DYNC1I1: variants seen among roughly 807,000 people sequenced by gnomAD.
The protein encoded by DYNC1I1 is cytoplasmic dynein 1 intermediate chain 1.
DYNC1I1 carries 43 observed loss-of-function variants against 86.6 expected under a neutral mutation model. The observed-to-expected ratio is 0.50, with a 90% CI of 0.39 to 0.64. DYNC1I1 has a LOEUF of 0.64. Ranked by LOEUF, DYNC1I1 falls within the 30% of genes least tolerant of loss-of-function variation. The probability of loss-of-function intolerance (pLI) is 0.00; values close to 1 mark genes in which losing one functional copy is unlikely to be tolerated. For missense variants in DYNC1I1, 604 were observed against 788.8 expected (o/e 0.77, Z 2.81); for synonymous variants, 262 against 283.7 (o/e 0.92, Z 0.77).
At position 96,068,902 on chromosome 7, in the gene DYNC1I1, TACTTA is replaced by T. The variant is rs552891546; in HGVS notation, c.1510-7149_1510-7145del. ...AAGGGCGAGGGTGAAAATATTTTGC[TACTTA>T]ACTTATCCACTAGTAAAATGTGGTT... On this transcript the variant is annotated intron_variant, in intron 14 of 16. Coordinates refer to ENST00000447467, the MANE Select transcript of DYNC1I1 (RefSeq NM_001135556.2). Among the ~76,000 whole-genome samples the T allele has an allele frequency of 3.7e-3, 564 of 152,330 alleles. 2 individuals carry two copies. Among genetic ancestry groups the T allele is most frequent in the African/African-American group, 0.013 (534 of 41,578 alleles).
Position 95,827,936 on chromosome 7 carries a change from C to T in DYNC1I1, c.315-121C>T. On this transcript the variant is annotated intron_variant, in intron 4 of 16. Transcript: ENST00000447467. ...GGGGGTGGAGGGGATGGAAGGGGGA[C>T]ATGTTCTGTGTATGTATTGTATATG... The T allele has an allele frequency of 3.5e-6, 3 of 860,296 alleles. No individual in the cohort carries two copies. In the South Asian group the frequency reaches 5.2e-5, roughly 15 times the overall value. 53.3% of individuals were successfully genotyped at this position (860,296 alleles called of 1,614,324 possible).
At chr7:95,825,010 A>T (rs1795173198) in intron 4 of DYNC1I1, among the ~76,000 whole-genome samples, 1 of 152,088 alleles carries the variant, frequency 6.6e-6, no homozygotes, top group Non-Finnish European at 1.5e-5. Context: ...AAAAATGAAA[A>T]GATAATACAA....
At chr7:95,773,056 G>T (rs543831903) in intron 1 of DYNC1I1, among the ~76,000 whole-genome samples, 67 of 152,328 alleles carry the variant, frequency 4.4e-4, no homozygotes, top group Admixed American at 9.1e-4. Context: ...CACCTTGTGG[G>T]CTGGGAAGGG....
Position 95,995,897 on chromosome 7 carries a change from C to T in DYNC1I1, c.844-51C>T, listed in dbSNP as rs754454609. On this transcript the variant is annotated intron_variant, in intron 9 of 16. Transcript: ENST00000447467. ...GTGTATGTAGGAATAACAAAGTTTT[C>T]CTTGTGTTGTCATCTTAGCATAATT... is the stretch of plus-strand genomic sequence containing the variant. The T allele has an allele frequency of 3.3e-5, 51 of 1,542,318 alleles. No individual in the cohort carries two copies. The Admixed American group carries it at 4.2e-4, about 13-fold the overall frequency.
At chr7:95,842,103 A>G (rs979197999) in intron 5 of DYNC1I1, among the ~76,000 whole-genome samples, 5 of 152,174 alleles carry the variant, frequency 3.3e-5, no homozygotes, top group Non-Finnish European at 7.3e-5. Context: ...GTTCCCCTCA[A>G]TTGTATAGTG....
chr7:95,836,294 C>T (rs1319249135), intron 5 of DYNC1I1, among the ~76,000 whole-genome samples: 2 of 152,078 alleles, frequency 1.3e-5, no homozygotes, highest in African/African-American at 2.4e-5. Flanking sequence ...TGAATATTGG[C>T]CCCCACTCTC....
At chr7:95,944,637 A>G (rs1216749850) in intron 6 of DYNC1I1, among the ~76,000 whole-genome samples, 2 of 152,158 alleles carry the variant, frequency 1.3e-5, no homozygotes, top group African/African-American at 2.4e-5. Flanking sequence ...ATGTCCAACA[A>G]TGATAGACTG....
At chr7:96,053,398 A>G (rs1218899820) in intron 14 of DYNC1I1, among the ~76,000 whole-genome samples, 1 of 152,182 alleles carries the variant, frequency 6.6e-6, no homozygotes, top group African/African-American at 2.4e-5. Context: ...ACTGGCTTCT[A>G]TATTTTATCT....
At chr7:95,782,068 C>G (rs1257122353) in intron 1 of DYNC1I1, among the ~76,000 whole-genome samples, 1 of 152,164 alleles carries the variant, frequency 6.6e-6, no homozygotes, top group Non-Finnish European at 1.5e-5. Flanking sequence ...CACTCAGAGG[C>G]CCATGCTGCA....
intron 14 of DYNC1I1, among the ~76,000 whole-genome samples, chr7:96,042,668 A>T (rs2116055762): frequency 6.6e-6 from 1 of 152,238 alleles, no homozygotes; most frequent in East Asian, 1.9e-4. Context: ...GTTCCTAACA[A>T]TACTGAAGAA....
chr7:95,937,253 G>T (rs1792070406), intron 6 of DYNC1I1, among the ~76,000 whole-genome samples: 1 of 151,960 alleles, frequency 6.6e-6, no homozygotes, highest in Non-Finnish European at 1.5e-5. Context: ...GTGCACCATA[G>T]TGACTATAGT....
At chr7:95,794,872 A>G (rs74854159) in intron 1 of DYNC1I1, among the ~76,000 whole-genome samples, 17,203 of 152,228 alleles carry the variant, frequency 0.11, 1,041 homozygotes, top group African/African-American at 0.15. Context: ...TTTACCCAAT[A>G]TGAATAAAAT....
At chr7:95,976,818 T>C (rs1793315761) in intron 6 of DYNC1I1, among the ~76,000 whole-genome samples, 1 of 152,072 alleles carries the variant, frequency 6.6e-6, no homozygotes, top group Non-Finnish European at 1.5e-5. Flanking sequence ...GAAAGGCAAG[T>C]TGAGAGTAGA....
rs71127429 is a variant in DYNC1I1, at chr7:95,823,952, C to CTATATATATATATATATATATATATA, written c.315-4103_315-4078dup. On this transcript the variant is annotated intron_variant, in intron 4 of 16. Transcript: ENST00000447467. ...TTACTTTCAGATTTGTTCTACTAAACTATATATATATATATATATATATAT... is the reference window on the plus strand; with the variant it reads ...TTACTTTCAGATTTGTTCTACTAAACTATATATATATATATATATATATATATATATATATATATATATATATATAT... Among the ~76,000 whole-genome samples, 167 of 77,786 alleles carry CTATATATATATATATATATATATATA rather than the reference C, an allele frequency of 2.1e-3. 3 individuals are homozygous for CTATATATATATATATATATATATATA. Among genetic ancestry groups the CTATATATATATATATATATATATATA allele is most frequent in the African/African-American group, 6.2e-3 (94 of 15,066 alleles). The allele number at this position is 77,786 out of a possible 152,430, so 51.0% of individuals were successfully genotyped here.
At chr7:96,035,854 G>A in intron 13 of DYNC1I1, 102 bp downstream of exon 13, 2 of 1,544,904 alleles carry the variant, frequency 1.3e-6, no homozygotes, top group South Asian at 1.2e-5. Flanking sequence ...AAGCATCTCT[G>A]GAAAAATGGA....
chr7:95,984,512 T>C (rs1793534031), intron 7 of DYNC1I1, among the ~76,000 whole-genome samples: 1 of 151,882 alleles, frequency 6.6e-6, no homozygotes, highest in Admixed American at 6.6e-5. Context: ...TTTTTCAAGT[T>C]AAAAAAAACA....
chr7:96,086,474 G>A (rs1790682988), intron 16 of DYNC1I1, among the ~76,000 whole-genome samples: 1 of 152,182 alleles, frequency 6.6e-6, no homozygotes, highest in Admixed American at 6.5e-5. Context: ...ACCATGGTTT[G>A]AGAGACGGAC....
intron 6 of DYNC1I1, among the ~76,000 whole-genome samples, chr7:95,966,993 T>C (rs1793031954): frequency 6.6e-6 from 1 of 152,120 alleles, no homozygotes; most frequent in African/African-American, 2.4e-5. Flanking sequence ...AACTGAAACA[T>C]TGGGGAAACC....
At chr7:95,972,103 C>T (rs1258590796) in intron 6 of DYNC1I1, among the ~76,000 whole-genome samples, 3 of 152,264 alleles carry the variant, frequency 2.0e-5, no homozygotes, top group African/African-American at 4.8e-5. Flanking sequence ...CACAGAGGGT[C>T]GCCTTGTGTC....
Sources: gnomAD v4.1 joint callset for allele counts (sites outside exome capture counted in the v4.1 genomes callset) on GRCh38, gnomAD v4.1.1 for gene constraint, MANE v1.5 for transcripts, NCBI Gene and HGNC (gene_info 2026-07-23, HGNC 2026-07-21) for gene names.